DCK: variants seen among roughly 807,000 people sequenced by gnomAD.
DCK encodes the protein deoxycytidine kinase.
DCK carries 23 observed loss-of-function variants against 38.3 expected under a neutral mutation model. That is an observed-to-expected ratio of 0.60 (90% CI 0.43 to 0.85). The LOEUF (loss-of-function observed/expected upper bound fraction) is 0.85, where lower values mean the gene tolerates loss of function less well. Among genes scored for constraint, DCK ranks in the 40% least tolerant of loss-of-function variants. The pLI is 0.00. For missense variants in DCK, 259 were observed against 304.4 expected (o/e 0.85, Z 1.11); for synonymous variants, 108 against 100.6 (o/e 1.07, Z -0.44).
chr4:71,014,108 G>A (rs1578424859), intron 2 of DCK, among the ~76,000 whole-genome samples: 4 of 152,262 alleles, frequency 2.6e-5, no homozygotes, highest in Admixed American at 2.6e-4. Context: ...AAAAAGGCAG[G>A]TGTTGTAATC....
chr4:71,017,825 T>G (rs1400007297), intron 2 of DCK, among the ~76,000 whole-genome samples: 1 of 150,824 alleles, frequency 6.6e-6, no homozygotes, highest in Non-Finnish European at 1.5e-5. Flanking sequence ...AAATACCTAA[T>G]GTAAATGGCG....
rs554766435 is a variant in DCK at position 71,030,165 on chromosome 4, A to C, written c.*787A>C. On this transcript the variant is annotated 3_prime_UTR_variant, in exon 7 of 7. Transcript: ENST00000286648. Reference sequence around the variant, plus strand: ...ATTATTTTTTGTTGAATAGGAAATAAAATTAATGAAGACAGAGGCTAGAAA... The same window carrying C: ...ATTATTTTTTGTTGAATAGGAAATACAATTAATGAAGACAGAGGCTAGAAA... 1.3e-5 allele frequency: 2 copies of C among 152,626 alleles called. No homozygotes were observed. Among genetic ancestry groups the C allele is most frequent in the African/African-American group, 4.8e-5 (2 of 41,446 alleles). The allele number at this position is 152,626 out of a possible 1,614,324, so 9.5% of individuals were successfully genotyped here. A position where few individuals can be genotyped will look rare whatever the true frequency, so the allele number is the denominator to read the frequency against.
intron 2 of DCK, among the ~76,000 whole-genome samples, chr4:71,003,899 C>T (rs1387691952): frequency 2.0e-5 from 3 of 152,150 alleles, no homozygotes; most frequent in Non-Finnish European, 2.9e-5. Context: ...TGGGTTAGAA[C>T]GTGCTGCTTT....
intron 1 of DCK, among the ~76,000 whole-genome samples, chr4:70,994,642 G>T (rs145440555): frequency 6.6e-6 from 1 of 152,202 alleles, no homozygotes; most frequent in African/African-American, 2.4e-5. Flanking sequence ...CCTCAGGGTT[G>T]TTTACAGTTT....
chr4:71,027,363 C>T (rs1740568866), intron 6 of DCK, among the ~76,000 whole-genome samples: 2 of 152,036 alleles, frequency 1.3e-5, no homozygotes, highest in Admixed American at 1.3e-4. Flanking sequence ...AATCACAGTT[C>T]ATTTATTGCC....
chr4:70,996,287 C>T (rs1044176557), intron 1 of DCK, among the ~76,000 whole-genome samples: 4 of 151,770 alleles, frequency 2.6e-5, no homozygotes, highest in African/African-American at 9.7e-5. Flanking sequence ...TCTTTGAGAC[C>T]TATAGTTTGA....
chr4:70,994,110 G>A (rs1739606370), intron 1 of DCK, 184 bp downstream of exon 1: 1 of 613,168 alleles, frequency 1.6e-6, no homozygotes, highest in Non-Finnish European at 2.9e-6. Flanking sequence ...GCTCCACGGG[G>A]TGACTGCGGT....
chr4:71,003,096 G>A (rs571748871), intron 2 of DCK, among the ~76,000 whole-genome samples: 59 of 152,230 alleles, frequency 3.9e-4, no homozygotes, highest in Admixed American at 1.8e-3. Context: ...GGCTGGTACC[G>A]GTTTTTCCTT....
chr4:71,023,861 A>C (rs889655629), intron 4 of DCK, among the ~76,000 whole-genome samples, 155 bp downstream of exon 4: 2 of 152,010 alleles, frequency 1.3e-5, no homozygotes, highest in African/African-American at 4.8e-5. Flanking sequence ...TGTAGATAGA[A>C]GCATTCTTTT....
At chr4:70,995,123 T>G (rs1388576728) in intron 1 of DCK, among the ~76,000 whole-genome samples, 1 of 152,208 alleles carries the variant, frequency 6.6e-6, no homozygotes, top group Non-Finnish European at 1.5e-5. Context: ...GGACTTCTTA[T>G]TTCATTGCTC....
chr4:71,013,561 G>A (rs927136600), intron 2 of DCK, among the ~76,000 whole-genome samples: 14 of 152,148 alleles, frequency 9.2e-5, no homozygotes, highest in Non-Finnish European at 1.3e-4. Flanking sequence ...AGTGGATCTC[G>A]CGGCAGAAAC....
chr4:71,014,211 A>C (rs1740189437), intron 2 of DCK, among the ~76,000 whole-genome samples: 1 of 152,270 alleles, frequency 6.6e-6, no homozygotes, highest in South Asian at 2.1e-4. Context: ...TACAACAACA[A>C]GAGCTAACTA....
At chr4:71,012,279 T>A (rs371212978) in intron 2 of DCK, among the ~76,000 whole-genome samples, 69 of 152,190 alleles carry the variant, frequency 4.5e-4, no homozygotes, top group Non-Finnish European at 8.5e-4. Context: ...AAGCTGGAAC[T>A]GGGTGGAGCC....
chr4:71,009,054 A>G (rs1438882590), intron 2 of DCK, among the ~76,000 whole-genome samples: 1 of 152,218 alleles, frequency 6.6e-6, no homozygotes, highest in African/African-American at 2.4e-5. Context: ...GTTTTATAGC[A>G]AGGTAGAATG....
chr4:71,030,039 G>GT lies in DCK; in HGVS notation c.*664dup, dbSNP rs1294691533. On this transcript the variant is annotated 3_prime_UTR_variant, in exon 7 of 7. Coordinates refer to ENST00000286648, the MANE Select transcript of DCK (RefSeq NM_000788.3). ...CACTGTGATTACTCTTTGCTTTGTA[G>GT]TTTGCTTTGCTTTGTAGGGTTCTGC... is the stretch of plus-strand genomic sequence containing the variant. 6.6e-6 allele frequency: 1 copy of GT among 152,542 alleles called. No individual in the cohort carries two copies. The highest frequency in any genetic ancestry group is 1.5e-5 in the Non-Finnish European group (1 of 67,994). The allele number at this position is 152,542 out of a possible 1,614,324, so 9.4% of individuals were successfully genotyped here.
At chr4:71,013,150 A>G (rs1324505601) in intron 2 of DCK, among the ~76,000 whole-genome samples, 2 of 152,224 alleles carry the variant, frequency 1.3e-5, no homozygotes, top group African/African-American at 4.8e-5. Flanking sequence ...ACTGGAAGAA[A>G]GGGTATCAGT....
intron 4 of DCK, among the ~76,000 whole-genome samples, chr4:71,025,578 G>T (rs1740527847): frequency 6.6e-6 from 1 of 152,060 alleles, no homozygotes. Context: ...TATATTTCAT[G>T]TGTGGATGGA....
chr4:70,994,214 G>T (rs913485194), intron 1 of DCK, among the ~76,000 whole-genome samples: 3 of 152,190 alleles, frequency 2.0e-5, no homozygotes, highest in African/African-American at 7.2e-5. Context: ...AAAGGGAAGC[G>T]GGGGAAGGGT....
intron 2 of DCK, among the ~76,000 whole-genome samples, chr4:71,012,899 A>G (rs912878908): frequency 1.3e-5 from 2 of 152,262 alleles, no homozygotes; most frequent in Non-Finnish European, 2.9e-5. Context: ...CAGCAACGGA[A>G]CAAAGCTGGA....
Sources: gnomAD v4.1 joint callset for allele counts (sites outside exome capture counted in the v4.1 genomes callset) on GRCh38, gnomAD v4.1.1 for gene constraint, MANE v1.5 for transcripts, NCBI Gene and HGNC (gene_info 2026-07-23, HGNC 2026-07-21) for gene names.